Variants in KCTD1 observed in about 807,000 individuals in gnomAD.
KCTD1 encodes the protein BTB/POZ domain-containing protein KCTD1.
KCTD1 carries 24 observed loss-of-function variants against 66.0 expected under a neutral mutation model. The ratio of observed to expected loss-of-function variants is 0.36; its 90% CI spans 0.26 to 0.51. The LOEUF (loss-of-function observed/expected upper bound fraction) is 0.51, where lower values mean the gene tolerates loss of function less well. KCTD1 is among the 20% of genes least tolerant of loss of function. The pLI is 0.95. For synonymous variants in KCTD1, 511 were observed against 517.2 expected, an observed-to-expected ratio of 0.99 and a Z score of 0.16; for missense variants, 943 against 1,205.2, an observed-to-expected ratio of 0.78 and a Z score of 3.22.
chr18:26,506,420 T>C (rs997812005), intron 1 of KCTD1, among the ~76,000 whole-genome samples: 1 of 152,148 alleles, frequency 6.6e-6, no homozygotes, highest in African/African-American at 2.4e-5. Flanking sequence ...CCCTAGAGAC[T>C]GAGAACTGAG....
rs561495288 is a variant in KCTD1 at position 26,558,253 on chromosome 18, G to T, written c.-15-57003C>A. Among the ~76,000 whole-genome samples, 5 of 152,302 alleles carry T rather than the reference G, an allele frequency of 3.3e-5. No homozygotes were observed. The East Asian group carries it at 5.8e-4, about 18-fold the overall frequency. On this transcript the variant is annotated intron_variant, in intron 1 of 4. Coordinates refer to the KCTD1 transcript ENST00000317932. ...GAAATATAAATCAAAACTACAATGA[G>T]ATATCATCTCACCCCAGTTAAAATG...
At chr18:26,620,348 TAAAAAAAAAAAAAAAAAAAAA>T (rs10594272) in intron 1 of KCTD1, among the ~76,000 whole-genome samples, 33 of 87,208 alleles carry the variant, frequency 3.8e-4, no homozygotes, top group Non-Finnish European at 6.5e-4. Context: ...AGGTAAATCT[TAAAAAAAAAAAAAAAAAAAAA>T]AAAAAAAAAA....
At chr18:26,567,653 A>C (rs147295557) in intron 1 of KCTD1, among the ~76,000 whole-genome samples, 71 of 152,044 alleles carry the variant, frequency 4.7e-4, no homozygotes, top group African/African-American at 1.6e-3. Flanking sequence ...ACACTTGGCT[A>C]ATTTTTGTAT....
chr18:26,471,218 C>T (rs1039910314), intron 3 of KCTD1, among the ~76,000 whole-genome samples: 7 of 152,116 alleles, frequency 4.6e-5, no homozygotes, highest in African/African-American at 1.2e-4. Flanking sequence ...CCTTTTCTTC[C>T]GTATGAGATA....
intron 1 of KCTD1, among the ~76,000 whole-genome samples, chr18:26,601,320 C>T (rs1221891105): frequency 2.7e-4 from 10 of 37,518 alleles, no homozygotes; most frequent in Admixed American, 2.6e-3. Context: ...TAAAAGTGTT[C>T]ATTGGTAAAA....
At chr18:26,612,856 C>T (rs1248460647) in intron 1 of KCTD1, among the ~76,000 whole-genome samples, 2 of 152,188 alleles carry the variant, frequency 1.3e-5, no homozygotes, top group African/African-American at 4.8e-5. Context: ...CGTTGCTTGA[C>T]ATCCATTGTC....
At chr18:26,640,035 G>C (rs576078295) in intron 1 of KCTD1, among the ~76,000 whole-genome samples, 20 of 152,184 alleles carry the variant, frequency 1.3e-4, no homozygotes, top group Non-Finnish European at 1.6e-4. Flanking sequence ...GTGGTTTACA[G>C]GGAGGAGGTA....
intron 1 of KCTD1, among the ~76,000 whole-genome samples, chr18:26,617,213 T>G (rs528613530): frequency 1.3e-5 from 2 of 152,156 alleles, no homozygotes; most frequent in Non-Finnish European, 2.9e-5. Flanking sequence ...CCAGGTCATT[T>G]CTCCAGGCTA....
chr18:26,590,122 C>G (rs1460722514), intron 1 of KCTD1, among the ~76,000 whole-genome samples: 3 of 152,086 alleles, frequency 2.0e-5, no homozygotes, highest in Admixed American at 6.5e-5. Context: ...CTTACTGTGT[C>G]GCCCAGGCTG....
Position 26,494,458 on chromosome 18 carries a change from C to T in KCTD1, c.1988+6614G>A, listed in dbSNP as rs569427500. On this transcript the variant is annotated intron_variant, in intron 2 of 4. Transcript: ENST00000580059. ...GGCTATCTTTCCTTTAAATTAGGCTCGAAGACTTTATGAGCTAGATTACTT... is the reference window on the plus strand; with the variant it reads ...GGCTATCTTTCCTTTAAATTAGGCTTGAAGACTTTATGAGCTAGATTACTT... 1.5e-4 allele frequency among the ~76,000 whole-genome samples: 23 copies of T among 152,212 alleles called. No homozygotes were observed. The South Asian group carries it at 4.8e-3, about 32-fold the overall frequency.
At chr18:26,599,288 T>A in intron 1 of KCTD1, 1 of 832,908 alleles carries the variant, frequency 1.2e-6, no homozygotes, top group Non-Finnish European at 1.9e-6. Flanking sequence ...CATTGAATTG[T>A]TTGGTGCTCT....
At chr18:26,519,581 C>A (rs1983816226) in intron 1 of KCTD1, among the ~76,000 whole-genome samples, 1 of 152,176 alleles carries the variant, frequency 6.6e-6, no homozygotes, top group Non-Finnish European at 1.5e-5. Flanking sequence ...GTCAATCAAC[C>A]ATTTATATAA....
chr18:26,645,860 GAA>G (rs944169085), intron 1 of KCTD1, among the ~76,000 whole-genome samples: 6 of 152,158 alleles, frequency 3.9e-5, no homozygotes, highest in Admixed American at 2.6e-4. Flanking sequence ...CTATCTAATT[GAA>G]AACTCTGGGA....
chr18:26,552,129 C>T (rs1985588564), upstream of KCTD1, among the ~76,000 whole-genome samples: 1 of 152,178 alleles, frequency 6.6e-6, no homozygotes, highest in African/African-American at 2.4e-5. Flanking sequence ...TATATTTGTG[C>T]TTCTCCACTT....
At chr18:26,460,063 T>C in intron 3 of KCTD1, 138 bp from the exon 4 acceptor site, 1 of 655,626 alleles carries the variant, frequency 1.5e-6, no homozygotes, top group South Asian at 2.0e-5. Flanking sequence ...ACTTACGACA[T>C]GTTTGTAGAG....
In KCTD1 at chr18:26,555,427, AAAATGAAAATAAAAT is replaced by A. The variant is rs371608190; in HGVS notation, c.-15-54192_-15-54178del. The stretch of plus-strand genomic sequence containing the variant: ...GCAACAAGAGTGAAACTCCGTCTCA[AAAATGAAAATAAAAT>A]AAATAAAAATGAAACAGCCTTTTAA... On this transcript the variant is annotated intron_variant, in intron 1 of 4. Coordinates refer to the KCTD1 transcript ENST00000317932. 4.2e-3 allele frequency among the ~76,000 whole-genome samples: 642 copies of A among 152,372 alleles called. 4 individuals carry two copies. The highest frequency in any genetic ancestry group is 0.014 in the African/African-American group (591 of 41,580).
At chr18:26,464,101 G>C (rs1217492273) in intron 3 of KCTD1, among the ~76,000 whole-genome samples, 1 of 152,238 alleles carries the variant, frequency 6.6e-6, no homozygotes, top group African/African-American at 2.4e-5. Flanking sequence ...TACTGCTGCT[G>C]TGAGAAATTA....
intron 4 of KCTD1, chr18:26,457,367 G>A (rs1413214417): frequency 6.6e-6 from 1 of 152,162 alleles, no homozygotes. Context: ...CCCCAGCAGA[G>A]GCAGGAATGC....
chr18:26,536,087 G>T (rs540423275), intron 1 of KCTD1, among the ~76,000 whole-genome samples: 1 of 151,888 alleles, frequency 6.6e-6, no homozygotes, highest in Admixed American at 6.6e-5. Context: ...ATACAGGAAA[G>T]CCCTTTGCTT....
Sources: gnomAD v4.1 joint callset for allele counts (sites outside exome capture counted in the v4.1 genomes callset) on GRCh38, gnomAD v4.1.1 for gene constraint, MANE v1.5 for transcripts, NCBI Gene and HGNC (gene_info 2026-07-23, HGNC 2026-07-21) for gene names.